TENM2: variants seen among roughly 807,000 people sequenced by gnomAD.
TENM2 encodes the protein teneurin transmembrane protein 2.
In TENM2, 52 loss-of-function variants were observed where a neutral mutation model predicts 245.2. The observed-to-expected ratio is 0.21, with a 90% CI of 0.17 to 0.27. The LOEUF (loss-of-function observed/expected upper bound fraction) is 0.27, where lower values mean the gene tolerates loss of function less well. Ranked by LOEUF, TENM2 falls within the 10% of genes least tolerant of loss-of-function variation. The pLI is 1.00. For missense variants in TENM2, 3,046 were observed against 3,666.8 expected (o/e 0.83, Z 4.37); for synonymous variants, 1,363 against 1,438.9 (o/e 0.95, Z 1.19).
At chr5:167,747,271 G>A (rs1157043681) in intron 2 of TENM2, among the ~76,000 whole-genome samples, 2 of 152,138 alleles carry the variant, frequency 1.3e-5, no homozygotes, top group East Asian at 3.8e-4. Context: ...TGGCAGGAGA[G>A]ATGAAGAGAA....
At chr5:167,103,390 G>A in the TENM2 span, among the ~76,000 whole-genome samples, 2 of 152,166 alleles carry the variant, frequency 1.3e-5, no homozygotes, top group Admixed American at 1.3e-4. Flanking sequence ...GTTTCAGGAA[G>A]TTTCTTTAAC....
the TENM2 span, among the ~76,000 whole-genome samples, chr5:167,273,942 G>A: frequency 1.3e-5 from 2 of 151,998 alleles, no homozygotes; most frequent in South Asian, 2.1e-4. Flanking sequence ...CTGTCAAATC[G>A]TATGCAGCCA....
At chr5:167,354,066 T>A (rs6894726) in intron 1 of TENM2, among the ~76,000 whole-genome samples, 1 of 152,216 alleles carries the variant, frequency 6.6e-6, no homozygotes. Context: ...TCAGTCTAAC[T>A]GGGTTATACA....
At chr5:167,245,281 G>A in the TENM2 span, among the ~76,000 whole-genome samples, 1 of 152,154 alleles carries the variant, frequency 6.6e-6, no homozygotes, top group Non-Finnish European at 1.5e-5. Flanking sequence ...CAGACAAAGG[G>A]TGCACGGTAG....
intron 13 of TENM2, among the ~76,000 whole-genome samples, chr5:168,169,454 C>A (rs1758604645): frequency 6.6e-6 from 1 of 152,202 alleles, no homozygotes; most frequent in African/African-American, 2.4e-5. Context: ...GGCACTCCAG[C>A]CAGGTCTAAA....
intron 1 of TENM2, among the ~76,000 whole-genome samples, chr5:167,327,864 G>A (rs73363445): frequency 0.039 from 5,905 of 152,256 alleles, 380 homozygotes; most frequent in African/African-American, 0.13. Context: ...TGTATGTTTA[G>A]AAGATCATCC....
At chr5:167,532,033 A>G (rs1771539464) in intron 2 of TENM2, among the ~76,000 whole-genome samples, 1 of 152,148 alleles carries the variant, frequency 6.6e-6, no homozygotes, top group Non-Finnish European at 1.5e-5. Flanking sequence ...AAACACGGAT[A>G]TTAAGCTGCC....
intron 2 of TENM2, among the ~76,000 whole-genome samples, chr5:167,470,126 G>A (rs1400079911): frequency 6.6e-6 from 1 of 152,022 alleles, no homozygotes; most frequent in Non-Finnish European, 1.5e-5. Context: ...TTCCAAATAG[G>A]AAGTTTTCAG....
the TENM2 span, among the ~76,000 whole-genome samples, chr5:167,071,277 C>G: frequency 9.2e-5 from 14 of 151,896 alleles, no homozygotes; most frequent in African/African-American, 3.1e-4. Flanking sequence ...AACTAATATT[C>G]AAGAGAGTTT....
At chr5:167,987,614 C>T (rs918637064) in intron 4 of TENM2, among the ~76,000 whole-genome samples, 1 of 152,188 alleles carries the variant, frequency 6.6e-6, no homozygotes, top group East Asian at 1.9e-4. Flanking sequence ...AGCCACCATG[C>T]CCAGCCACTA....
chr5:167,530,604 C>A (rs560270678), intron 2 of TENM2, among the ~76,000 whole-genome samples: 1 of 152,292 alleles, frequency 6.6e-6, no homozygotes, highest in African/African-American at 2.4e-5. Flanking sequence ...AAAATGGGCT[C>A]CTGATCCAGG....
chr5:167,981,979 C>CAAAAAAAA (rs58295569), intron 4 of TENM2, among the ~76,000 whole-genome samples: 1 of 100,766 alleles, frequency 9.9e-6, no homozygotes, highest in Non-Finnish European at 2.1e-5. Context: ...TGTTTCAGAC[C>CAAAAAAAA]AAAAAAAAAA....
At chr5:167,727,500 C>G in intron 2 of TENM2, among the ~76,000 whole-genome samples, 1 of 152,216 alleles carries the variant, frequency 6.6e-6, no homozygotes, top group Non-Finnish European at 1.5e-5. Flanking sequence ...AAAGACTACT[C>G]CATACATCTG....
At chr5:166,992,792 C>G in the TENM2 span, among the ~76,000 whole-genome samples, 1 of 152,162 alleles carries the variant, frequency 6.6e-6, no homozygotes, top group African/African-American at 2.4e-5. Flanking sequence ...GAGAGCCTGA[C>G]AGAAGTATTT....
intron 4 of TENM2, among the ~76,000 whole-genome samples, chr5:167,984,704 A>G (rs1400067939): frequency 6.6e-6 from 1 of 152,236 alleles, no homozygotes; most frequent in Non-Finnish European, 1.5e-5. Flanking sequence ...TGTGCATGTT[A>G]TATTTGCAAA....
chr5:168,008,225 A>G (rs1298115094), intron 5 of TENM2, among the ~76,000 whole-genome samples: 1 of 152,172 alleles, frequency 6.6e-6, no homozygotes, highest in Non-Finnish European at 1.5e-5. Flanking sequence ...ATCATTCCAG[A>G]TGGGGGAACT....
At chr5:168,193,337 G>A (rs765419139) in intron 14 of TENM2, among the ~76,000 whole-genome samples, 7 of 152,132 alleles carry the variant, frequency 4.6e-5, no homozygotes, top group African/African-American at 1.4e-4. Flanking sequence ...CTAAAAGGGC[G>A]TTCCCCTAGA....
the TENM2 span, among the ~76,000 whole-genome samples, chr5:167,069,542 A>G: frequency 1.3e-4 from 20 of 152,338 alleles, no homozygotes; most frequent in East Asian, 2.5e-3. Flanking sequence ...ACCCAGATTA[A>G]CTGGCATCAA....
chr5:168,193,391 A>G (rs12658120), intron 14 of TENM2, among the ~76,000 whole-genome samples: 5,491 of 152,304 alleles, frequency 0.036, 220 homozygotes, highest in East Asian at 0.19. Flanking sequence ...CTCCACCACT[A>G]TAATTTATAG....
Sources: gnomAD v4.1 joint callset for allele counts (sites outside exome capture counted in the v4.1 genomes callset) on GRCh38, gnomAD v4.1.1 for gene constraint, MANE v1.5 for transcripts, NCBI Gene and HGNC (gene_info 2026-07-23, HGNC 2026-07-21) for gene names.